RCL1: variants seen among roughly 807,000 people sequenced by gnomAD.
The protein encoded by RCL1 is RNA terminal phosphate cyclase like 1.
A neutral mutation model predicts 42.4 loss-of-function variants in RCL1; 24 were observed. The ratio of observed to expected loss-of-function variants is 0.57; its 90% CI spans 0.41 to 0.80. The LOEUF is 0.80. RCL1 is among the 30% of genes least tolerant of loss of function. The probability of loss-of-function intolerance (pLI) is 0.00; values close to 1 mark genes in which losing one functional copy is unlikely to be tolerated. For synonymous variants in RCL1, 228 were observed against 177.3 expected (o/e 1.29, Z -2.27); for missense variants, 578 against 467.9 (o/e 1.24, Z -2.17).
At chr9:4,801,763 A>G (rs1234547835) in intron 1 of RCL1, among the ~76,000 whole-genome samples, 1 of 146,226 alleles carries the variant, frequency 6.8e-6, no homozygotes, top group Non-Finnish European at 1.5e-5. Flanking sequence ...TTGCCCAAGC[A>G]TCATTTGTTG....
Position 4,792,992 on chromosome 9 carries a change from C to T in RCL1, c.-100C>T. The T allele has an allele frequency of 1.4e-6, 2 of 1,390,688 alleles. No homozygotes were observed. Among genetic ancestry groups the T allele is most frequent in the Non-Finnish European group, 1.9e-6 (2 of 1,037,224 alleles). The allele number at this position is 1,390,688 out of a possible 1,614,324, so 86.1% of individuals were successfully genotyped here. A position where few individuals can be genotyped will look rare whatever the true frequency, so the allele number is the denominator to read the frequency against. On this transcript the variant is annotated 5_prime_UTR_variant, in exon 1 of 9. Transcript: ENST00000381750. ...TGCTGGAGGCAGCCCGAGCCGCCGC[C>T]GTCGGTGTCGCCGCCACCACCACCA... is the stretch of plus-strand genomic sequence containing the variant.
At chr9:4,820,368 T>C (rs1396482538) in intron 1 of RCL1, among the ~76,000 whole-genome samples, 1 of 152,202 alleles carries the variant, frequency 6.6e-6, no homozygotes, top group Non-Finnish European at 1.5e-5. Flanking sequence ...TCTTCACTGT[T>C]GCCAGGGCTC....
Position 4,860,986 on chromosome 9 carries a change from T to C in RCL1, c.*711T>C, listed in dbSNP as rs1818157120. On this transcript the variant is annotated 3_prime_UTR_variant, in exon 9 of 9. Coordinates refer to ENST00000381750, the MANE Select transcript of RCL1 (RefSeq NM_005772.5). ...CAATAGCTCTGTGATGTAAGTGCTATCTCCATGAGAAAATTCATAAAGGGT... is the reference window on the plus strand; with the variant it reads ...CAATAGCTCTGTGATGTAAGTGCTACCTCCATGAGAAAATTCATAAAGGGT... The C allele has an allele frequency of 1.3e-5, 2 of 152,198 alleles. No individual in the cohort carries two copies. The highest frequency in any genetic ancestry group is 2.9e-5 in the Non-Finnish European group (2 of 68,034). The allele number at this position is 152,198 out of a possible 1,614,324, so 9.4% of individuals were successfully genotyped here. A position where few individuals can be genotyped will look rare whatever the true frequency, so the allele number is the denominator to read the frequency against.
At chr9:4,814,091 T>TA (rs1446403203) in intron 1 of RCL1, among the ~76,000 whole-genome samples, 3 of 152,020 alleles carry the variant, frequency 2.0e-5, no homozygotes, top group African/African-American at 7.2e-5. Context: ...ATGGCACACT[T>TA]ATACATATAT....
intron 1 of RCL1, among the ~76,000 whole-genome samples, chr9:4,813,501 C>G (rs1361971719): frequency 1.3e-5 from 2 of 152,146 alleles, no homozygotes; most frequent in Non-Finnish European, 2.9e-5. Flanking sequence ...CCATCTCACA[C>G]CAGTTAGAAT....
intron 1 of RCL1, among the ~76,000 whole-genome samples, chr9:4,816,547 G>C (rs940756367): frequency 6.6e-6 from 1 of 151,990 alleles, no homozygotes; most frequent in African/African-American, 2.4e-5. Context: ...TTTTCCCCCT[G>C]CTTATATAAT....
intron 2 of RCL1, among the ~76,000 whole-genome samples, chr9:4,824,044 G>A (rs1474167246): frequency 6.6e-6 from 1 of 152,080 alleles, no homozygotes; most frequent in African/African-American, 2.4e-5. Flanking sequence ...GAAAATTTCA[G>A]CAAAGTCTCT....
intron 1 of RCL1, among the ~76,000 whole-genome samples, chr9:4,800,208 T>G (rs964744802): frequency 3.3e-5 from 5 of 152,070 alleles, no homozygotes; most frequent in African/African-American, 1.2e-4. Context: ...TGGACAGGTT[T>G]TTCTTTTTTT....
chr9:4,859,072 T>C (rs1333368993), intron 8 of RCL1, among the ~76,000 whole-genome samples: 1 of 152,214 alleles, frequency 6.6e-6, no homozygotes, highest in Non-Finnish European at 1.5e-5. Context: ...CCTGTGTATT[T>C]AATGAACTGT....
chr9:4,849,791 A>T (rs570770613), intron 8 of RCL1, among the ~76,000 whole-genome samples: 2 of 152,236 alleles, frequency 1.3e-5, no homozygotes, highest in African/African-American at 2.4e-5. Context: ...TTGGGCAGTT[A>T]TTTTGTTCGT....
intron 1 of RCL1, among the ~76,000 whole-genome samples, chr9:4,816,591 G>C (rs551385671): frequency 9.9e-5 from 15 of 152,100 alleles, no homozygotes; most frequent in African/African-American, 3.6e-4. Context: ...TTTTCCTTGT[G>C]CTTTATCCGC....
At chr9:4,851,028 T>G (rs1228315642) in intron 8 of RCL1, among the ~76,000 whole-genome samples, 2 of 152,170 alleles carry the variant, frequency 1.3e-5, no homozygotes, top group Non-Finnish European at 1.5e-5. Flanking sequence ...TCGTGACACT[T>G]TTTTTCTTTT....
chr9:4,831,987 C>T (rs115192815), intron 3 of RCL1, among the ~76,000 whole-genome samples: 246 of 152,308 alleles, frequency 1.6e-3, no homozygotes, highest in African/African-American at 5.6e-3. Flanking sequence ...TTTCCTATGC[C>T]TTCTGTGTGG....
chr9:4,810,122 C>G (rs935537924), intron 1 of RCL1, among the ~76,000 whole-genome samples: 1 of 152,176 alleles, frequency 6.6e-6, no homozygotes, highest in African/African-American at 2.4e-5. Context: ...GCCACCGCAT[C>G]CTGCCAGTTT....
In RCL1 at chr9:4,860,846, T is replaced by A. The variant is rs1227888809; in HGVS notation, c.*571T>A. 1.3e-5 allele frequency: 2 copies of A among 152,308 alleles called. No individual in the cohort carries two copies. The highest frequency in any genetic ancestry group is 1.3e-4 in the Admixed American group (2 of 15,288). The allele number at this position is 152,308 out of a possible 1,614,324, so 9.4% of individuals were successfully genotyped here. A position where few individuals can be genotyped will look rare whatever the true frequency, so the allele number is the denominator to read the frequency against. Reference sequence around the variant, plus strand: ...TTGCTGTCATGGACACGGACACGGATCTTCATCTGGTTCATTGTATTTATA... The same window carrying A: ...TTGCTGTCATGGACACGGACACGGAACTTCATCTGGTTCATTGTATTTATA... On this transcript the variant is annotated 3_prime_UTR_variant, in exon 9 of 9. Coordinates refer to ENST00000381750, the MANE Select transcript of RCL1 (RefSeq NM_005772.5).
chr9:4,832,209 G>C (rs1193504932), intron 3 of RCL1, among the ~76,000 whole-genome samples: 4 of 152,214 alleles, frequency 2.6e-5, no homozygotes, highest in African/African-American at 9.6e-5. Context: ...GGAGATAACA[G>C]TTACACGTGG....
chr9:4,840,755 G>C (rs1318968713), intron 5 of RCL1, among the ~76,000 whole-genome samples: 1 of 152,178 alleles, frequency 6.6e-6, no homozygotes, highest in African/African-American at 2.4e-5. Context: ...CATACCAGGA[G>C]TCAGATTGGG....
intron 6 of RCL1, among the ~76,000 whole-genome samples, chr9:4,843,154 G>A (rs184817679): frequency 6.6e-6 from 1 of 152,196 alleles, no homozygotes; most frequent in Non-Finnish European, 1.5e-5. Flanking sequence ...ATGACTAATA[G>A]TGCTCTTCCT....
chr9:4,795,204 C>T (rs986995581), intron 1 of RCL1, among the ~76,000 whole-genome samples: 3 of 151,922 alleles, frequency 2.0e-5, no homozygotes, highest in East Asian at 1.9e-4. Flanking sequence ...CAGCCTCCCT[C>T]GTAGCTGGGA....
Sources: gnomAD v4.1 joint callset for allele counts (sites outside exome capture counted in the v4.1 genomes callset) on GRCh38, gnomAD v4.1.1 for gene constraint, MANE v1.5 for transcripts, NCBI Gene and HGNC (gene_info 2026-07-23, HGNC 2026-07-21) for gene names.